SLC1A2: variants seen among roughly 807,000 people sequenced by gnomAD.
SLC1A2 encodes the protein excitatory amino acid transporter 2.
A neutral mutation model predicts 48.8 loss-of-function variants in SLC1A2; 15 were observed. The ratio of observed to expected loss-of-function variants is 0.31; its 90% confidence interval spans 0.21 to 0.47. The LOEUF is 0.47. Among genes scored for constraint, SLC1A2 ranks in the 20% least tolerant of loss-of-function variants. The pLI, the probability that SLC1A2 is intolerant of heterozygous loss-of-function variation, is 0.99. For synonymous variants in SLC1A2, 279 were observed against 272.6 expected (o/e 1.02, Z -0.23); for missense variants, 502 against 730.5 (o/e 0.69, Z 3.61).
At chr11:35,355,008 T>A (rs1853406015) in intron 1 of SLC1A2, among the ~76,000 whole-genome samples, 2 of 152,188 alleles carry the variant, frequency 1.3e-5, no homozygotes, top group Admixed American at 6.5e-5. Context: ...CCCAATGCTG[T>A]TATAAAATCA....
chr11:35,313,168 T>C (rs1195134720), intron 3 of SLC1A2, among the ~76,000 whole-genome samples: 4 of 152,228 alleles, frequency 2.6e-5, no homozygotes, highest in Non-Finnish European at 5.9e-5. Context: ...TTTATTTATG[T>C]TTTAATGTCC....
chr11:35,313,548 C>CT (rs1349168692), intron 3 of SLC1A2, among the ~76,000 whole-genome samples: 1 of 152,046 alleles, frequency 6.6e-6, no homozygotes, highest in Admixed American at 6.6e-5. Context: ...GGTGTTAGTC[C>CT]TTTTTGCTAT....
In SLC1A2 at chr11:35,278,759, G is replaced by A. The variant is rs559944452; in HGVS notation, c.1421+2108C>T. Among the ~76,000 whole-genome samples, 8 of 152,116 alleles carry A rather than the reference G, an allele frequency of 5.3e-5. No homozygotes were observed. The South Asian group carries it at 1.2e-3, about 24-fold the overall frequency. On this transcript the variant is annotated intron_variant, in intron 9 of 10. Transcript: ENST00000278379. The stretch of plus-strand genomic sequence containing the variant: ...TGAGGCTGGGCACAGTGGCTCACCC[G>A]TGTAATCTCAGCACTGTGGGAGGCT...
rs143347533 is a variant in SLC1A2 at position 35,334,422 on chromosome 11, G to C, written c.18-16906C>G. ...TATTCACCAGGCTACAAGCAGGTAG[G>C]GAGTGATTTAACAGAGCGAATCACG... On this transcript the variant is annotated intron_variant, in intron 1 of 10. Coordinates refer to ENST00000278379, the MANE Select transcript of SLC1A2 (RefSeq NM_004171.4). Among the ~76,000 whole-genome samples the C allele has an allele frequency of 3.6e-3, 555 of 152,254 alleles. 2 individuals carry two copies. Among genetic ancestry groups the C allele is most frequent in the Non-Finnish European group, 6.3e-3 (429 of 68,024 alleles).
chr11:35,370,907 T>A (rs936212206), intron 1 of SLC1A2: 1 of 958,846 alleles, frequency 1.0e-6, no homozygotes, highest in Non-Finnish European at 1.2e-6. Context: ...GGCTAAGATA[T>A]ATGCAAGAAT....
At chr11:35,331,738 C>T (rs1293430243) in intron 1 of SLC1A2, among the ~76,000 whole-genome samples, 4 of 152,178 alleles carry the variant, frequency 2.6e-5, no homozygotes, top group Non-Finnish European at 5.9e-5. Flanking sequence ...CACATTCGAA[C>T]CTGAAATCTT....
chr11:35,373,667 T>C lies in SLC1A2; in HGVS notation c.17+45283A>G, dbSNP rs190408672. 3.0e-4 allele frequency among the ~76,000 whole-genome samples: 46 copies of C among 152,284 alleles called. No individual in the cohort carries two copies. In the East Asian group the frequency reaches 7.9e-3, roughly 26 times the overall value. On this transcript the variant is annotated intron_variant, in intron 1 of 10. Transcript: ENST00000278379. ...GAGGGGCTGTGGGTGCCCCATCTGC[T>C]GGGCAGGAAGTGGTAGGGCTAATGC...
intron 1 of SLC1A2, among the ~76,000 whole-genome samples, chr11:35,330,336 A>C (rs1852387326): frequency 6.6e-6 from 1 of 152,232 alleles, no homozygotes; most frequent in Admixed American, 6.5e-5. Context: ...CCAGCACGTC[A>C]GATTCTACCA....
chr11:35,336,792 G>A (rs1270118043), intron 1 of SLC1A2, among the ~76,000 whole-genome samples: 2 of 152,124 alleles, frequency 1.3e-5, no homozygotes, highest in African/African-American at 4.8e-5. Context: ...AGCACTCACA[G>A]CCGGGGTCAG....
intron 1 of SLC1A2, among the ~76,000 whole-genome samples, chr11:35,404,049 A>G (rs1005415020): frequency 4.6e-5 from 7 of 152,062 alleles, no homozygotes; most frequent in African/African-American, 1.7e-4. Context: ...CAACGTTTTC[A>G]CACCTATTTT....
Position 35,260,613 on chromosome 11 carries a change from C to T in SLC1A2, c.*281G>A. ...CATCTTGGGAGAAAAGGGAAGCTGG[C>T]AAGAACGTGTCTTCAATTCCAACTG... On this transcript the variant is annotated 3_prime_UTR_variant, in exon 11 of 11. Transcript: ENST00000278379. The T allele has an allele frequency of 2.6e-6, 1 of 390,198 alleles. No homozygotes were observed. The highest frequency in any genetic ancestry group is 4.7e-6 in the Non-Finnish European group (1 of 213,778). The allele number at this position is 390,198 out of a possible 1,614,324, so 24.2% of individuals were successfully genotyped here.
Position 35,286,882 on chromosome 11 carries a change from T to C in SLC1A2, c.1161A>G (p.Arg387=). ...ENLGIDKRVT[R]FVLPVGATIN... ...TGGTTGCTCCAACAGGAAGGACGAA[T>C]CTAGTCACACGCTTATCAATCCCCA... The change falls in exon 8 of 11, where the codon AGA becomes AGG. Residue 387 remains arginine, a synonymous_variant. Transcript: ENST00000278379. 1 of 1,614,088 alleles carries C rather than the reference T, an allele frequency of 6.2e-7. No homozygotes were observed. Among genetic ancestry groups the C allele is most frequent in the Non-Finnish European group, 8.5e-7 (1 of 1,179,972 alleles).
intron 4 of SLC1A2, among the ~76,000 whole-genome samples, chr11:35,311,913 AGAGAGAGAG>A: frequency 7.3e-5 from 1 of 13,752 alleles, no homozygotes; most frequent in Non-Finnish European, 1.5e-4. Context: ...AGAGAGAGAG[AGAGAGAGAG>A]GCGGGGGGGG....
intron 1 of SLC1A2, chr11:35,391,736 C>A (rs553312761): frequency 5.6e-4 from 86 of 152,316 alleles, no homozygotes; most frequent in African/African-American, 2.1e-3. Flanking sequence ...AAACAAATAC[C>A]GCTCAGGTGT....
intron 1 of SLC1A2, among the ~76,000 whole-genome samples, chr11:35,370,470 T>A (rs756906446): frequency 3.3e-5 from 5 of 152,058 alleles, no homozygotes; most frequent in Non-Finnish European, 5.9e-5. Flanking sequence ...AGCTCTCAAG[T>A]GAACAAGGAC....
chr11:35,305,217 C>A (rs573014791), intron 5 of SLC1A2, among the ~76,000 whole-genome samples: 1 of 152,166 alleles, frequency 6.6e-6, no homozygotes, highest in Non-Finnish European at 1.5e-5. Flanking sequence ...TGGTAATAAA[C>A]CTCTGTCCCT....
At chr11:35,370,212 C>T (rs1854009936) in intron 1 of SLC1A2, among the ~76,000 whole-genome samples, 1 of 152,222 alleles carries the variant, frequency 6.6e-6, no homozygotes, top group Admixed American at 6.5e-5. Context: ...TTGCCCCATT[C>T]TTCAGTTGAG....
intron 9 of SLC1A2, among the ~76,000 whole-genome samples, chr11:35,273,495 A>C (rs1249126648): frequency 6.6e-6 from 1 of 152,162 alleles, no homozygotes; most frequent in Non-Finnish European, 1.5e-5. Context: ...ACATGTATTG[A>C]GTGCTTGTCA....
At chr11:35,364,149 G>A (rs927243781) in intron 1 of SLC1A2, among the ~76,000 whole-genome samples, 3 of 152,188 alleles carry the variant, frequency 2.0e-5, no homozygotes, top group Admixed American at 2.0e-4. Context: ...GACACTCCCT[G>A]CTGTTCTGGA....
Sources: gnomAD v4.1 joint callset for allele counts (sites outside exome capture counted in the v4.1 genomes callset) on GRCh38, gnomAD v4.1.1 for gene constraint, MANE v1.5 for transcripts, NCBI Gene and HGNC (gene_info 2026-07-23, HGNC 2026-07-21) for gene names.